NDUFA10: variants seen among roughly 807,000 people sequenced by gnomAD.
NDUFA10 encodes the protein NADH:ubiquinone oxidoreductase subunit A10.
A neutral mutation model predicts 47.8 loss-of-function variants in NDUFA10; 40 were observed. That is an observed-to-expected ratio of 0.84 (90% CI 0.65 to 1.09). NDUFA10 has a LOEUF of 1.09. Ranked by LOEUF, NDUFA10 falls within the 50% of genes least tolerant of loss-of-function variation. The pLI is 0.00. For synonymous variants in NDUFA10, 183 were observed against 172.2 expected, an observed-to-expected ratio of 1.06 and a Z score of -0.49; for missense variants, 413 against 451.1, an observed-to-expected ratio of 0.92 and a Z score of 0.76.
intron 9 of NDUFA10, chr2:239,982,359 A>G (rs1468026100): frequency 8.1e-7 from 1 of 1,238,070 alleles, no homozygotes; most frequent in Non-Finnish European, 1.1e-6. Context: ...TCTTGATTGT[A>G]TTTACTGTTT....
intron 8 of NDUFA10, among the ~76,000 whole-genome samples, chr2:239,992,522 TAC>T (rs1264084293): frequency 2.0e-5 from 3 of 152,214 alleles, no homozygotes; most frequent in Non-Finnish European, 2.9e-5. Context: ...ACTCACATGC[TAC>T]AGTTTCTGTA....
intron 9 of NDUFA10, among the ~76,000 whole-genome samples, chr2:239,962,571 T>C (rs538751116): frequency 6.6e-6 from 1 of 152,314 alleles, no homozygotes; most frequent in Admixed American, 6.5e-5. Context: ...GGTGCACAGC[T>C]GTGAAGTGGG....
At chr2:239,915,351 A>G (rs1693842990) in intron 4 of NDUFA10, among the ~76,000 whole-genome samples, 1 of 151,000 alleles carries the variant, frequency 6.6e-6, no homozygotes, top group African/African-American at 2.4e-5. Flanking sequence ...ATACTCAGAC[A>G]CACACAAATA....
At chr2:239,956,951 G>A (rs543768026), downstream of NDUFA10, among the ~76,000 whole-genome samples, 84 of 152,270 alleles carry the variant, frequency 5.5e-4, no homozygotes, top group African/African-American at 1.7e-3. Flanking sequence ...TCCCTGACGC[G>A]TGTGGAGCAC....
intron 9 of NDUFA10, among the ~76,000 whole-genome samples, chr2:239,964,416 C>T (rs568736731): frequency 6.6e-6 from 1 of 152,280 alleles, no homozygotes; most frequent in South Asian, 2.1e-4. Flanking sequence ...CCGCCTGCAC[C>T]GTGATTTTAG....
intron 4 of NDUFA10, among the ~76,000 whole-genome samples, chr2:239,924,260 A>G (rs759648338): frequency 6.6e-6 from 1 of 152,122 alleles, no homozygotes; most frequent in Non-Finnish European, 1.5e-5. Context: ...AAAAATATCA[A>G]TATCCTTCAT....
chr2:239,988,627 G>GGA (rs1168024550), intron 9 of NDUFA10, among the ~76,000 whole-genome samples: 1 of 152,194 alleles, frequency 6.6e-6, no homozygotes, highest in Non-Finnish European at 1.5e-5. Flanking sequence ...AGGTCAACAG[G>GGA]AAGAAGCGAA....
At chr2:239,974,280 C>T (rs1178057910) in intron 9 of NDUFA10, among the ~76,000 whole-genome samples, 4 of 152,200 alleles carry the variant, frequency 2.6e-5, no homozygotes, top group African/African-American at 4.8e-5. Flanking sequence ...AGTGCCCTAG[C>T]GCTGGGTGTC....
chr2:239,960,880 TGGTG>T lies in NDUFA10; in HGVS notation c.*234_*237del. ...GCAGACCACTGTTTTCCAGTGAGAA[TGGTG>T]GGCCATTCCAAAACAAAGCTAAAGG... On this transcript the variant is annotated 3_prime_UTR_variant, in exon 10 of 10. Coordinates refer to ENST00000252711, the MANE Select transcript of NDUFA10 (RefSeq NM_004544.4). 7.0e-7 allele frequency: 1 copy of T among 1,418,464 alleles called. No individual in the cohort carries two copies. The allele number at this position is 1,418,464 out of a possible 1,614,324, so 87.9% of individuals were successfully genotyped here. A position where few individuals can be genotyped will look rare whatever the true frequency, so the allele number is the denominator to read the frequency against.
intron 8 of NDUFA10, among the ~76,000 whole-genome samples, chr2:239,999,654 T>C (rs529664998): frequency 6.6e-6 from 1 of 152,340 alleles, no homozygotes; most frequent in East Asian, 1.9e-4. Context: ...TCTTTATCAA[T>C]GGTTCCTTTA....
intron 4 of NDUFA10, among the ~76,000 whole-genome samples, chr2:239,934,324 G>A (rs1031832385): frequency 3.9e-5 from 6 of 152,066 alleles, no homozygotes; most frequent in African/African-American, 9.7e-5. Flanking sequence ...GGGGCAGGTG[G>A]GTCTTAACCT....
chr2:239,935,558 C>T (rs1221806202), intron 4 of NDUFA10, among the ~76,000 whole-genome samples: 2 of 152,288 alleles, frequency 1.3e-5, no homozygotes, highest in East Asian at 3.9e-4. Context: ...TGTCTCACTC[C>T]CACTGACATA....
At position 240,016,768 on chromosome 2, in the gene NDUFA10, A is replaced by G. The variant is rs1574894316; in HGVS notation, c.547+1785T>C. Among the ~76,000 whole-genome samples the G allele has an allele frequency of 6.6e-6, 1 of 152,092 alleles. No individual in the cohort carries two copies. The highest frequency in any genetic ancestry group is 1.5e-5 in the Non-Finnish European group (1 of 68,016). On this transcript the variant is annotated intron_variant, in intron 4 of 9. Transcript: ENST00000252711. The surrounding 1 kb of genome is among the most constrained non-coding windows in gnomAD (Gnocchi z 4.4). ...GCTCACGGTCAGTGCTGGACCCCCAACGCCTGCAGACTCCAGCCCAGGCCA... is the reference window on the plus strand; with the variant it reads ...GCTCACGGTCAGTGCTGGACCCCCAGCGCCTGCAGACTCCAGCCCAGGCCA...
intron 1 of NDUFA10, among the ~76,000 whole-genome samples, chr2:240,023,641 T>C (rs1289607197): frequency 2.0e-5 from 3 of 152,100 alleles, no homozygotes; most frequent in Admixed American, 6.6e-5. Flanking sequence ...TTAAGGCATA[T>C]CCATATTATG....
intron 4 of NDUFA10, among the ~76,000 whole-genome samples, chr2:239,904,584 C>T (rs1330897889): frequency 6.6e-6 from 1 of 152,228 alleles, no homozygotes; most frequent in Non-Finnish European, 1.5e-5. Context: ...TGTCAGCCAC[C>T]ATGCCCAGCC....
intron 9 of NDUFA10, among the ~76,000 whole-genome samples, chr2:239,980,182 T>C (rs932548343): frequency 6.6e-6 from 1 of 152,198 alleles, no homozygotes; most frequent in African/African-American, 2.4e-5. Context: ...AGGGCTTGGC[T>C]TCACTCTCGG....
chr2:240,021,154 T>C (rs372644102), intron 3 of NDUFA10, 43 bp downstream of exon 3: 66 of 1,533,100 alleles, frequency 4.3e-5, no homozygotes, highest in Non-Finnish European at 5.5e-5. Context: ...TCTAGAATAG[T>C]GTTCAAGTAC....
intron 4 of NDUFA10, among the ~76,000 whole-genome samples, chr2:239,934,430 G>A (rs1694228791): frequency 6.7e-6 from 1 of 149,826 alleles, no homozygotes; most frequent in Non-Finnish European, 1.5e-5. Context: ...GGCATGAAAG[G>A]AATTGTAACA....
At chr2:239,924,563 G>A (rs761127057) in intron 4 of NDUFA10, among the ~76,000 whole-genome samples, 9 of 151,806 alleles carry the variant, frequency 5.9e-5, no homozygotes, top group African/African-American at 1.5e-4. Context: ...TCCTCAACTC[G>A]ATAAAGAACA....
Sources: gnomAD v4.1 joint callset for allele counts (sites outside exome capture counted in the v4.1 genomes callset) on GRCh38, gnomAD v4.1.1 for gene constraint, Gnocchi (gnomAD v3.1) non-coding constraint, MANE v1.5 for transcripts, NCBI Gene and HGNC (gene_info 2026-07-23, HGNC 2026-07-21) for gene names.